Variants in TRPC4 observed in about 807,000 individuals in gnomAD.
TRPC4 encodes short transient receptor potential channel 4.
In TRPC4, 49 loss-of-function variants were observed where a neutral mutation model predicts 99.4. The observed-to-expected ratio is 0.49, with a 90% CI of 0.39 to 0.63. The LOEUF (loss-of-function observed/expected upper bound fraction) is 0.63, where lower values mean the gene tolerates loss of function less well. Ranked by LOEUF, TRPC4 falls within the 20% of genes least tolerant of loss-of-function variation. The pLI is 0.00. For synonymous variants in TRPC4, 454 were observed against 425.9 expected, an observed-to-expected ratio of 1.07 and a Z score of -0.81; for missense variants, 898 against 1,152.9, an observed-to-expected ratio of 0.78 and a Z score of 3.20.
In TRPC4 at chr13:37,717,729, C is replaced by T. The variant is rs118171143; in HGVS notation, c.898-25394G>A. On this transcript the variant is annotated intron_variant, in intron 3 of 10. Transcript: ENST00000379705. ...TATGTGTTGCTCTCAGTCTTCTAGC[C>T]TCTAGAGTTGTGAGAAAATAAATTT... 1.7e-3 allele frequency among the ~76,000 whole-genome samples: 262 copies of T among 152,166 alleles called. 8 individuals are homozygous for T. The East Asian group carries it at 0.047, about 27-fold the overall frequency.
intron 1 of TRPC4, among the ~76,000 whole-genome samples, chr13:37,860,050 C>T (rs1459103634): frequency 1.3e-5 from 2 of 151,240 alleles, no homozygotes; most frequent in Non-Finnish European, 3.0e-5. Flanking sequence ...AAATATTTTG[C>T]ATTGTTTTGT....
chr13:37,710,215 T>C (rs1954434069), intron 3 of TRPC4, among the ~76,000 whole-genome samples: 1 of 151,940 alleles, frequency 6.6e-6, no homozygotes, highest in African/African-American at 2.4e-5. Flanking sequence ...TAATGGATTG[T>C]CAGACTTCTA....
At chr13:37,682,231 C>CGG (rs1443395256) in intron 4 of TRPC4, among the ~76,000 whole-genome samples, 2 of 152,122 alleles carry the variant, frequency 1.3e-5, no homozygotes, top group African/African-American at 4.8e-5. Context: ...GCAAAGCTGT[C>CGG]GGGGGCCTGA....
At chr13:37,751,565 C>T (rs77635270) in intron 2 of TRPC4, among the ~76,000 whole-genome samples, 4,258 of 151,978 alleles carry the variant, frequency 0.028, 189 homozygotes, top group African/African-American at 0.097. Flanking sequence ...TCTTCGGGAT[C>T]TTCAGTTCTT....
intron 2 of TRPC4, among the ~76,000 whole-genome samples, chr13:37,767,112 A>G (rs1430607051): frequency 6.6e-6 from 1 of 151,328 alleles, no homozygotes; most frequent in South Asian, 2.1e-4. Context: ...TGAGAAACAT[A>G]TCTATATTTA....
intron 2 of TRPC4, among the ~76,000 whole-genome samples, chr13:37,779,369 A>G (rs1956781878): frequency 6.6e-6 from 1 of 151,826 alleles, no homozygotes; most frequent in African/African-American, 2.4e-5. Flanking sequence ...AGAGAATCAG[A>G]GGCTCTCTGT....
intron 1 of TRPC4, among the ~76,000 whole-genome samples, chr13:37,846,495 G>A (rs1420124518): frequency 6.6e-6 from 1 of 151,984 alleles, no homozygotes; most frequent in East Asian, 1.9e-4. Flanking sequence ...AAAGCAAGTT[G>A]TTACCAGCTT....
intron 4 of TRPC4, among the ~76,000 whole-genome samples, chr13:37,690,019 T>A (rs1442908238): frequency 6.6e-6 from 1 of 152,174 alleles, no homozygotes; most frequent in Non-Finnish European, 1.5e-5. Flanking sequence ...TTTTATTGTA[T>A]CTATAGTATT....
chr13:37,796,984 T>TAAAATAAAATAAA (rs1173828244), intron 1 of TRPC4, among the ~76,000 whole-genome samples: 2 of 148,542 alleles, frequency 1.3e-5, no homozygotes, highest in Non-Finnish European at 3.0e-5. Flanking sequence ...TAAAGTAAAG[T>TAAAATAAAATAAA]AAAGTAAAGT....
intron 3 of TRPC4, among the ~76,000 whole-genome samples, chr13:37,699,890 T>A (rs1954048405): frequency 6.6e-6 from 1 of 152,130 alleles, no homozygotes; most frequent in Admixed American, 6.6e-5. Flanking sequence ...TGGCAACTGA[T>A]CTGAGACAAT....
At chr13:37,709,772 G>A (rs565991240) in intron 3 of TRPC4, among the ~76,000 whole-genome samples, 37 of 151,818 alleles carry the variant, frequency 2.4e-4, no homozygotes, top group Non-Finnish European at 4.1e-4. Context: ...CTGCAAACTC[G>A]CATACCAATT....
At chr13:37,731,536 C>T (rs575021901) in intron 3 of TRPC4, among the ~76,000 whole-genome samples, 57 of 152,048 alleles carry the variant, frequency 3.7e-4, no homozygotes, top group African/African-American at 1.3e-3. Context: ...TAAAATGCTT[C>T]AATACAACAA....
chr13:37,784,105 A>AT (rs898394555), intron 1 of TRPC4, among the ~76,000 whole-genome samples: 40 of 151,996 alleles, frequency 2.6e-4, no homozygotes, highest in African/African-American at 9.4e-4. Context: ...ACATAATTAT[A>AT]TTTTTTTCTC....
At chr13:37,854,301 A>G (rs565356477) in intron 1 of TRPC4, among the ~76,000 whole-genome samples, 2 of 152,242 alleles carry the variant, frequency 1.3e-5, no homozygotes, top group Admixed American at 1.3e-4. Flanking sequence ...GAAAAATAAA[A>G]TTATCCTAGA....
chr13:37,741,994 T>C (rs1955606011), intron 3 of TRPC4, among the ~76,000 whole-genome samples: 1 of 151,736 alleles, frequency 6.6e-6, no homozygotes. Context: ...AGGTTTAATA[T>C]AATAAACCAT....
intron 2 of TRPC4, among the ~76,000 whole-genome samples, chr13:37,755,142 T>C (rs1316449242): frequency 6.6e-6 from 1 of 152,214 alleles, no homozygotes; most frequent in East Asian, 1.9e-4. Context: ...TTAAGGGTAT[T>C]CATTCTATTA....
intron 8 of TRPC4, among the ~76,000 whole-genome samples, chr13:37,642,887 CG>C: frequency 6.6e-6 from 1 of 152,100 alleles, no homozygotes; most frequent in Non-Finnish European, 1.5e-5. Flanking sequence ...CATGGCACCA[CG>C]CCTGGCTAAC....
intron 6 of TRPC4, among the ~76,000 whole-genome samples, chr13:37,659,485 T>C (rs1287141564): frequency 6.6e-6 from 1 of 152,110 alleles, no homozygotes; most frequent in African/African-American, 2.4e-5. Context: ...AGATATTTCT[T>C]CATTGCAACA....
chr13:37,813,177 C>T (rs1957752786), intron 1 of TRPC4, among the ~76,000 whole-genome samples: 1 of 151,464 alleles, frequency 6.6e-6, no homozygotes, highest in African/African-American at 2.4e-5. Context: ...AAGAAGAAAT[C>T]ATAAGAGAAA....
Sources: allele counts gnomAD v4.1 joint callset (sites outside exome capture counted in the v4.1 genomes callset), GRCh38; gene constraint gnomAD v4.1.1; transcripts MANE v1.5; gene names NCBI Gene and HGNC (gene_info 2026-07-23, HGNC 2026-07-21).